The following NAV2 variants were observed in gnomAD, a reference collection of about 807,000 sequenced individuals.
NAV2 encodes the protein neuron navigator 2.
NAV2 carries 54 observed loss-of-function variants against 223.2 expected under a neutral mutation model. The ratio of observed to expected loss-of-function variants is 0.24; its 90% CI spans 0.19 to 0.30. The LOEUF (loss-of-function observed/expected upper bound fraction) is 0.30. Among genes scored for constraint, NAV2 ranks in the 10% least tolerant of loss-of-function variants. The probability of loss-of-function intolerance (pLI) is 1.00; values close to 1 mark genes in which losing one functional copy is unlikely to be tolerated. For missense variants in NAV2, 2,806 were observed against 3,147.5 expected, an observed-to-expected ratio of 0.89 and a Z score of 2.60; for synonymous variants, 1,279 against 1,239.3, an observed-to-expected ratio of 1.03 and a Z score of -0.67.
At chr11:19,522,330 C>T (rs2043690588) in intron 1 of NAV2, among the ~76,000 whole-genome samples, 2 of 152,190 alleles carry the variant, frequency 1.3e-5, no homozygotes. Flanking sequence ...CTGCCTTATT[C>T]TTTTTGATAG....
chr11:19,981,733 TG>T (rs1212749176), intron 10 of NAV2, among the ~76,000 whole-genome samples: 1 of 152,200 alleles, frequency 6.6e-6, no homozygotes, highest in Non-Finnish European at 1.5e-5. Context: ...TTGGTGTAGG[TG>T]TTTTTTCCTC....
At chr11:20,038,383 A>G (rs144699843) in intron 12 of NAV2, among the ~76,000 whole-genome samples, 27 of 152,364 alleles carry the variant, frequency 1.8e-4, no homozygotes, top group African/African-American at 6.0e-4. Context: ...TGAAAACTAA[A>G]AAAAAAGTAG....
At chr11:19,536,348 T>C (rs1470988598) in intron 1 of NAV2, among the ~76,000 whole-genome samples, 1 of 152,186 alleles carries the variant, frequency 6.6e-6, no homozygotes, top group Non-Finnish European at 1.5e-5. Flanking sequence ...AGGACTGAAG[T>C]GTCCCCACTT....
chr11:19,996,461 C>T (rs1474599650), intron 11 of NAV2, among the ~76,000 whole-genome samples: 4 of 152,202 alleles, frequency 2.6e-5, no homozygotes, highest in Non-Finnish European at 5.9e-5. Flanking sequence ...CCAAGCTCTG[C>T]TATTGCTGAG....
chr11:20,073,840 A>G lies in NAV2; in HGVS notation c.4984-3712A>G, dbSNP rs185860707. Among the ~76,000 whole-genome samples the G allele has an allele frequency of 9.3e-4, 141 of 152,210 alleles. No homozygotes were observed. In the South Asian group the frequency reaches 0.019, roughly 21 times the overall value. Reference sequence around the variant, plus strand: ...ATTCTTTTCTCTTTTCTTCTGTATTAGTCTGGCTAGCAGTCTATTTTGTTG... The same window carrying G: ...ATTCTTTTCTCTTTTCTTCTGTATTGGTCTGGCTAGCAGTCTATTTTGTTG... On this transcript the variant is annotated intron_variant, in intron 22 of 37. Coordinates refer to ENST00000349880, the MANE Select transcript of NAV2 (RefSeq NM_145117.5).
chr11:20,094,530 G>T (rs933033463), intron 29 of NAV2, among the ~76,000 whole-genome samples: 12 of 152,170 alleles, frequency 7.9e-5, no homozygotes, highest in Admixed American at 7.9e-4. Context: ...AGCCGGCTGG[G>T]AAACTCATTC....
intron 22 of NAV2, among the ~76,000 whole-genome samples, 196 bp from the exon 23 acceptor site, chr11:20,077,356 A>G (rs1013003110): frequency 2.0e-5 from 3 of 151,982 alleles, no homozygotes; most frequent in Admixed American, 6.6e-5. Context: ...GATGGGAAGG[A>G]GCACGGGTTG....
intron 1 of NAV2, among the ~76,000 whole-genome samples, chr11:19,694,842 C>G (rs2049282848): frequency 6.6e-6 from 1 of 152,200 alleles, no homozygotes; most frequent in African/African-American, 2.4e-5. Context: ...TCCCTTGTAC[C>G]TCTCTAGGTT....
intron 1 of NAV2, among the ~76,000 whole-genome samples, chr11:19,531,599 C>G (rs1309094902): frequency 6.6e-6 from 1 of 152,162 alleles, no homozygotes; most frequent in Non-Finnish European, 1.5e-5. Context: ...GCCTGAACAA[C>G]TGGAGGGATG....
chr11:19,637,990 T>C (rs1190614322), intron 1 of NAV2, among the ~76,000 whole-genome samples: 2 of 152,390 alleles, frequency 1.3e-5, no homozygotes, highest in Middle Eastern at 3.4e-3. Flanking sequence ...ACTTACTATG[T>C]GCTAAATATT....
chr11:19,587,256 G>C (rs190291283), intron 1 of NAV2, among the ~76,000 whole-genome samples: 192 of 152,332 alleles, frequency 1.3e-3, no homozygotes, highest in African/African-American at 3.6e-3. Context: ...GAGTGACCCA[G>C]TTTTCCAGGT....
In NAV2 at chr11:19,603,727, G is replaced by A. The variant is rs554426866; in HGVS notation, c.76-228757G>A. Among the ~76,000 whole-genome samples, 8 of 152,154 alleles carry A rather than the reference G, an allele frequency of 5.3e-5. No homozygotes were observed. In the South Asian group the frequency reaches 1.0e-3, roughly 20 times the overall value. On this transcript the variant is annotated intron_variant, in intron 1 of 37. Transcript: ENST00000360655. ...ATTAGAGCAGCATATCTAAAGCAGG[G>A]AGAGAGGAAAAAAAGCAGAGGAACA... is the stretch of plus-strand genomic sequence containing the variant.
intron 1 of NAV2, chr11:19,714,607 T>C (rs905284175): frequency 1.1e-4 from 35 of 324,088 alleles, no homozygotes; most frequent in Non-Finnish European, 3.1e-5. Flanking sequence ...GCTGTTGCGG[T>C]GGGGGTGGGG....
chr11:20,067,913 A>G lies in NAV2; in HGVS notation c.4885-273A>G, dbSNP rs112363930. Among the ~76,000 whole-genome samples, 703 of 152,044 alleles carry G rather than the reference A, an allele frequency of 4.6e-3. 2 individuals are homozygous for G. The highest frequency in any genetic ancestry group is 0.016 in the African/African-American group (669 of 41,458). ...TCTTCTGAGCACTTTACCTATCACCATCCCCGCCTGGGGAGCAGGGTGGCT... is the reference window on the plus strand; with the variant it reads ...TCTTCTGAGCACTTTACCTATCACCGTCCCCGCCTGGGGAGCAGGGTGGCT... On this transcript the variant is annotated intron_variant, in intron 20 of 37. Transcript: ENST00000349880.
chr11:19,558,748 C>T (rs577137781), intron 1 of NAV2, among the ~76,000 whole-genome samples: 71 of 152,198 alleles, frequency 4.7e-4, no homozygotes, highest in Non-Finnish European at 7.1e-4. Context: ...GCCTGTGTTC[C>T]ATGGGACAGG....
intron 11 of NAV2, among the ~76,000 whole-genome samples, chr11:20,032,914 C>T (rs1462746234): frequency 6.6e-6 from 1 of 152,242 alleles, no homozygotes; most frequent in African/African-American, 2.4e-5. Flanking sequence ...ATGAACTTGA[C>T]ATTGCTGCAG....
At chr11:20,047,364 GTATTAGTA>G (rs747526876) in intron 14 of NAV2, among the ~76,000 whole-genome samples, 6 of 152,126 alleles carry the variant, frequency 3.9e-5, no homozygotes, top group African/African-American at 7.2e-5. Flanking sequence ...CTCTTGATGT[GTATTAGTA>G]TGGTGAAGAA....
intron 10 of NAV2, among the ~76,000 whole-genome samples, chr11:19,958,199 A>G (rs2048047276): frequency 1.3e-5 from 2 of 152,126 alleles, no homozygotes; most frequent in South Asian, 2.1e-4. Flanking sequence ...CTGGCCTTGG[A>G]CACTGGAATC....
intron 16 of NAV2, among the ~76,000 whole-genome samples, chr11:20,050,268 C>G (rs951867049): frequency 6.6e-6 from 1 of 152,134 alleles, no homozygotes; most frequent in Non-Finnish European, 1.5e-5. Flanking sequence ...CCAGAAATGA[C>G]CTGCCACCCA....
Sources: allele counts gnomAD v4.1 joint callset (sites outside exome capture counted in the v4.1 genomes callset), GRCh38; gene constraint gnomAD v4.1.1; transcripts MANE v1.5; gene names NCBI Gene and HGNC (gene_info 2026-07-23, HGNC 2026-07-21).